TLL1: variants seen among roughly 807,000 people sequenced by gnomAD.
TLL1 encodes tolloid like 1.
Under a neutral mutation model 128.2 loss-of-function variants are expected in TLL1, and 49 were observed. The ratio of observed to expected loss-of-function variants is 0.38; its 90% CI spans 0.30 to 0.48. The LOEUF (loss-of-function observed/expected upper bound fraction) is 0.48. Ranked by LOEUF, TLL1 falls within the 20% of genes least tolerant of loss-of-function variation. The pLI is 0.96. For synonymous variants in TLL1, 454 were observed against 418.8 expected, an observed-to-expected ratio of 1.08 and a Z score of -1.03; for missense variants, 1,123 against 1,242.0, an observed-to-expected ratio of 0.90 and a Z score of 1.44.
At chr4:166,002,100 C>T (rs1409329538) in intron 5 of TLL1, among the ~76,000 whole-genome samples, 1 of 152,124 alleles carries the variant, frequency 6.6e-6, no homozygotes, top group Non-Finnish European at 1.5e-5. Flanking sequence ...TTATTTCTCA[C>T]AGTTCTGGAG....
rs1742411955 is a variant in TLL1, at chr4:166,104,148, G to T, written c.*3272G>T. Among the ~76,000 whole-genome samples the T allele has an allele frequency of 6.6e-6, 1 of 151,606 alleles. No individual in the cohort carries two copies. Among genetic ancestry groups the T allele is most frequent in the Admixed American group, 6.6e-5 (1 of 15,172 alleles). On this transcript the variant is annotated 3_prime_UTR_variant, in exon 21 of 21. Transcript: ENST00000061240. ...TGGTTTGTAATACTGCTGTATTTTT[G>T]GTGGTAAGCTTCAAATATCAAATTT...
chr4:165,990,507 C>T (rs1397559919), intron 2 of TLL1, among the ~76,000 whole-genome samples: 1 of 151,854 alleles, frequency 6.6e-6, no homozygotes, highest in Admixed American at 6.6e-5. Context: ...CGAAATATTT[C>T]TACCTATTAG....
chr4:166,073,518 C>T (rs1005222211), intron 16 of TLL1, among the ~76,000 whole-genome samples: 2 of 151,840 alleles, frequency 1.3e-5, no homozygotes, highest in South Asian at 2.1e-4. Context: ...TGCTTATTCT[C>T]GATAATAAGT....
At chr4:166,092,618 A>G (rs1741824144) in intron 19 of TLL1, among the ~76,000 whole-genome samples, 1 of 152,146 alleles carries the variant, frequency 6.6e-6, no homozygotes, top group Non-Finnish European at 1.5e-5. Context: ...GATAGCGCAG[A>G]GTTCATCAGA....
chr4:166,063,023 AT>A lies in TLL1; in HGVS notation c.2008-2658del, dbSNP rs1484626792. On this transcript the variant is annotated intron_variant, in intron 15 of 20. Transcript: ENST00000061240. ...TCTGTTTATATGATGGATTACATTT[AT>A]TGATTTGCTAACATCAGAGTGAACA... Among the ~76,000 whole-genome samples the A allele has an allele frequency of 3.3e-5, 5 of 152,228 alleles. No homozygotes were observed. In the East Asian group the frequency reaches 9.7e-4, roughly 29 times the overall value.
At chr4:165,933,704 G>A (rs1733635713) in intron 1 of TLL1, among the ~76,000 whole-genome samples, 1 of 152,106 alleles carries the variant, frequency 6.6e-6, no homozygotes. Context: ...TAGCAGCCCT[G>A]TCTTTTTATT....
At chr4:165,991,007 C>T (rs776871950) in intron 2 of TLL1, among the ~76,000 whole-genome samples, 2 of 151,900 alleles carry the variant, frequency 1.3e-5, no homozygotes, top group Non-Finnish European at 2.9e-5. Flanking sequence ...GCATTCTGGA[C>T]AGTAGAGCAA....
Position 166,101,019 on chromosome 4 carries a change from C to T in TLL1, c.*143C>T. On this transcript the variant is annotated 3_prime_UTR_variant, in exon 21 of 21. Transcript: ENST00000061240. ...CTGTAAGACCAGAATTATCTTTGTA[C>T]TAAAAGAGAAGTTTCCAGCAAAACC... The T allele has an allele frequency of 9.1e-7, 1 of 1,093,878 alleles. No individual in the cohort carries two copies. The highest frequency in any genetic ancestry group is 1.3e-6 in the Non-Finnish European group (1 of 767,072). The allele number at this position is 1,093,878 out of a possible 1,614,324, so 67.8% of individuals were successfully genotyped here. A position where few individuals can be genotyped will look rare whatever the true frequency, so the allele number is the denominator to read the frequency against.
At chr4:165,942,838 T>C (rs917595245) in intron 1 of TLL1, among the ~76,000 whole-genome samples, 2 of 151,988 alleles carry the variant, frequency 1.3e-5, no homozygotes, top group African/African-American at 4.8e-5. Context: ...TGTCTTAGAT[T>C]ATATGGAGAC....
At chr4:166,042,611 T>C (rs1579662990) in intron 11 of TLL1, among the ~76,000 whole-genome samples, 1 of 152,350 alleles carries the variant, frequency 6.6e-6, no homozygotes, top group East Asian at 1.9e-4. Context: ...AAATGCTTTG[T>C]TTTATGCTTC....
chr4:165,933,632 C>A (rs1306247040), intron 1 of TLL1, among the ~76,000 whole-genome samples: 1 of 152,174 alleles, frequency 6.6e-6, no homozygotes, highest in Non-Finnish European at 1.5e-5. Flanking sequence ...CAAATGTCAT[C>A]TTTGCCCATG....
intron 1 of TLL1, among the ~76,000 whole-genome samples, chr4:165,915,029 C>A (rs751127555): frequency 1.3e-5 from 2 of 152,170 alleles, no homozygotes; most frequent in Non-Finnish European, 2.9e-5. Flanking sequence ...TGTCTCCCCA[C>A]TCTACTAATT....
At chr4:165,900,725 AT>A (rs1731946443) in intron 1 of TLL1, among the ~76,000 whole-genome samples, 1 of 151,912 alleles carries the variant, frequency 6.6e-6, no homozygotes, top group African/African-American at 2.4e-5. Context: ...TGGGTTTGCT[AT>A]TTTCAAGGAG....
intron 5 of TLL1, among the ~76,000 whole-genome samples, chr4:165,999,053 T>G (rs1364787609): frequency 1.4e-5 from 2 of 145,874 alleles, no homozygotes; most frequent in Non-Finnish European, 2.9e-5. Context: ...CAGCCTGGAC[T>G]TTGTTGTCCA....
At chr4:165,880,308 C>T (rs1730919811) in intron 1 of TLL1, among the ~76,000 whole-genome samples, 1 of 152,190 alleles carries the variant, frequency 6.6e-6, no homozygotes, top group Non-Finnish European at 1.5e-5. Flanking sequence ...AGCTCAACTA[C>T]ATATTTTGTA....
At chr4:165,911,928 T>A (rs1732551110) in intron 1 of TLL1, among the ~76,000 whole-genome samples, 1 of 152,100 alleles carries the variant, frequency 6.6e-6, no homozygotes, top group Non-Finnish European at 1.5e-5. Flanking sequence ...TAGGCTGGAG[T>A]GCAGTGGCAT....
intron 18 of TLL1, among the ~76,000 whole-genome samples, chr4:166,090,520 G>T (rs1355618912): frequency 6.6e-6 from 1 of 152,000 alleles, no homozygotes; most frequent in Non-Finnish European, 1.5e-5. Context: ...ATTAAAATAA[G>T]TGTACCATCT....
rs138449910 is a variant in TLL1 at position 165,873,949 on chromosome 4, G to T, written c.45G>T (p.Val15=). The T allele has an allele frequency of 4.2e-4, 686 of 1,614,126 alleles. 3 individuals carry two copies. In the Middle Eastern group the frequency reaches 7.8e-3, roughly 18 times the overall value. Residue 15 remains valine, a synonymous_variant, in exon 1 of 21, where the codon GTG becomes GTT. Transcript: ENST00000061240. ...CCCCGAGGATGCTCGTGTGGCTGGT[G>T]GCCTCGGGGATTGTTTTCTACGGGG... ...TLSPRMLVWL[V]ASGIVFYGEL... is the part of the protein sequence containing the mutation.
chr4:166,018,696 T>G (rs1208094627), intron 8 of TLL1, among the ~76,000 whole-genome samples: 1 of 151,898 alleles, frequency 6.6e-6, no homozygotes, highest in Non-Finnish European at 1.5e-5. Context: ...AACAAACATA[T>G]GAAAAAATGC....
Sources: allele counts gnomAD v4.1 joint callset (sites outside exome capture counted in the v4.1 genomes callset), GRCh38; gene constraint gnomAD v4.1.1; transcripts MANE v1.5; gene names NCBI Gene and HGNC (gene_info 2026-07-23, HGNC 2026-07-21).